KLF12: variants seen among roughly 807,000 people sequenced by gnomAD.
KLF12 encodes the protein Krueppel-like factor 12.
KLF12 carries 9 observed loss-of-function variants against 37.8 expected under a neutral mutation model. That is an observed-to-expected ratio of 0.24 (90% CI 0.14 to 0.42). The LOEUF (loss-of-function observed/expected upper bound fraction) is 0.42. Ranked by LOEUF, KLF12 falls within the 10% of genes least tolerant of loss-of-function variation. KLF12 has a pLI of 1.00. For missense variants in KLF12, 411 were observed against 516.0 expected (o/e 0.80, Z 1.97); for synonymous variants, 208 against 202.1 (o/e 1.03, Z -0.25).
chr13:73,786,675 GA>G (rs1333570651), intron 5 of KLF12, among the ~76,000 whole-genome samples: 1 of 150,278 alleles, frequency 6.7e-6, no homozygotes, highest in Non-Finnish European at 1.5e-5. Context: ...TTGAGCCCAG[GA>G]GTTCAAGACC....
the KLF12 span, among the ~76,000 whole-genome samples, chr13:74,177,982 G>A: frequency 6.6e-6 from 1 of 152,158 alleles, no homozygotes; most frequent in Non-Finnish European, 1.5e-5. Flanking sequence ...AACCGCTCAG[G>A]TCTAGTCTTA....
chr13:74,139,057 A>G, the KLF12 span, among the ~76,000 whole-genome samples: 1 of 151,538 alleles, frequency 6.6e-6, no homozygotes, highest in Non-Finnish European at 1.5e-5. Context: ...TCAGCTGCTG[A>G]CTAGCTGGGC....
At chr13:74,233,923 A>G in the KLF12 span, among the ~76,000 whole-genome samples, 1 of 152,226 alleles carries the variant, frequency 6.6e-6, no homozygotes, top group Non-Finnish European at 1.5e-5. Flanking sequence ...TGCCATTTAC[A>G]TTAGCAACAA....
the KLF12 span, among the ~76,000 whole-genome samples, chr13:74,180,545 A>G: frequency 1.3e-5 from 2 of 152,348 alleles, no homozygotes; most frequent in African/African-American, 4.8e-5. Flanking sequence ...CAATCATGGC[A>G]TATGTAAGAT....
intron 3 of KLF12, among the ~76,000 whole-genome samples, chr13:73,890,729 T>A (rs1023462533): frequency 3.3e-5 from 5 of 151,182 alleles, no homozygotes; most frequent in Admixed American, 2.6e-4. Flanking sequence ...AAAAAAAAAA[T>A]AAAAGATTCC....
intron 2 of KLF12, among the ~76,000 whole-genome samples, chr13:73,954,981 C>T (rs1890786252): frequency 6.6e-6 from 1 of 152,104 alleles, no homozygotes; most frequent in Admixed American, 6.5e-5. Context: ...GAGCATGGGC[C>T]TGATGATCAG....
intron 5 of KLF12, among the ~76,000 whole-genome samples, chr13:73,796,509 G>GTCTCTTTCTCCCTGCCCC (rs1881977576): frequency 1.9e-5 from 1 of 52,048 alleles, no homozygotes; most frequent in Non-Finnish European, 4.1e-5. Flanking sequence ...CCCCTGTGCT[G>GTCTCTTTCTCCCTGCCCC]TGTGTGTGTG....
intron 3 of KLF12, among the ~76,000 whole-genome samples, chr13:73,878,890 A>G (rs557694390): frequency 3.0e-4 from 46 of 152,264 alleles, no homozygotes; most frequent in Non-Finnish European, 4.9e-4. Flanking sequence ...GGAGGAGCTA[A>G]GATCAGAAAT....
At chr13:74,217,594 G>A in the KLF12 span, among the ~76,000 whole-genome samples, 1 of 152,120 alleles carries the variant, frequency 6.6e-6, no homozygotes, top group Non-Finnish European at 1.5e-5. Context: ...GGGCGTGGTG[G>A]TGTGCACCTG....
Position 73,691,648 on chromosome 13 carries a change from TAAC to T in KLF12, c.*3839_*3841del, listed in dbSNP as rs1217718612. 2 of 152,606 alleles carry T rather than the reference TAAC, an allele frequency of 1.3e-5. No homozygotes were observed. The highest frequency in any genetic ancestry group is 2.4e-5 in the African/African-American group (1 of 41,452). 9.5% of individuals were successfully genotyped at this position (152,606 alleles called of 1,614,324 possible). A position where few individuals can be genotyped will look rare whatever the true frequency, so the allele number is the denominator to read the frequency against. On this transcript the variant is annotated 3_prime_UTR_variant, in exon 8 of 8. Transcript: ENST00000377669. The stretch of plus-strand genomic sequence containing the variant: ...ACATTTCTAAGCAGTCATAACAACA[TAAC>T]AAAGGCGTATTAATACATTTTGAAG...
Position 73,737,341 on chromosome 13 carries a change from G to A in KLF12, c.870-21816C>T, listed in dbSNP as rs141869319. The stretch of plus-strand genomic sequence containing the variant: ...TTTATTCTTCAAATTTACTTCACTA[G>A]TTACTAAGAGGCCTTTTCTCAACAT... On this transcript the variant is annotated intron_variant, in intron 6 of 7. Transcript: ENST00000377669. Among the ~76,000 whole-genome samples the A allele has an allele frequency of 8.4e-3, 1,282 of 152,230 alleles. 10 individuals carry two copies. Among genetic ancestry groups the A allele is most frequent in the Middle Eastern group, 0.017 (5 of 294 alleles).
chr13:74,143,020 C>G, the KLF12 span, among the ~76,000 whole-genome samples: 8 of 148,832 alleles, frequency 5.4e-5, no homozygotes, highest in African/African-American at 2.0e-4. Context: ...CCTTCCCTCC[C>G]TCCCTCCTTC....
intron 6 of KLF12, among the ~76,000 whole-genome samples, chr13:73,758,876 T>C (rs1017156552): frequency 6.6e-6 from 1 of 152,122 alleles, no homozygotes; most frequent in African/African-American, 2.4e-5. Flanking sequence ...TTCTGGGTGA[T>C]AGAGAAGTTA....
chr13:73,987,898 G>T (rs892626427), intron 2 of KLF12, among the ~76,000 whole-genome samples: 3 of 151,844 alleles, frequency 2.0e-5, no homozygotes, highest in Non-Finnish European at 4.4e-5. Context: ...GAAAGAGTGA[G>T]AGTGAGACAA....
the KLF12 span, among the ~76,000 whole-genome samples, chr13:74,247,643 TA>T: frequency 2.0e-5 from 3 of 152,152 alleles, no homozygotes; most frequent in Middle Eastern, 3.2e-3. Context: ...TTATTATTAT[TA>T]TTTTTTTGTA....
chr13:74,305,090 G>A, the KLF12 span, among the ~76,000 whole-genome samples: 1 of 152,064 alleles, frequency 6.6e-6, no homozygotes, highest in South Asian at 2.1e-4. Context: ...CTTTTCCCCA[G>A]TAACAATTTT....
At chr13:73,848,461 A>G (rs1594166007) in intron 3 of KLF12, among the ~76,000 whole-genome samples, 1 of 151,644 alleles carries the variant, frequency 6.6e-6, no homozygotes, top group East Asian at 1.9e-4. Context: ...TCTCTTACTG[A>G]GGAAAATATT....
intron 3 of KLF12, among the ~76,000 whole-genome samples, chr13:73,915,659 C>T (rs1036614335): frequency 6.6e-6 from 1 of 151,392 alleles, no homozygotes; most frequent in Admixed American, 6.6e-5. Context: ...ACTACAGGCA[C>T]CTGCCACCAC....
rs148132659 is a variant in KLF12 at position 74,077,918 on chromosome 13, T to C, written c.-32+55821A>G. On this transcript the variant is annotated intron_variant, in intron 1 of 7. Transcript: ENST00000377669. ...GATGTGTTTGTCTTTTAAGAAGTTA[T>C]TAAACTTCTAAATTAAGTCCTCCGC... Among the ~76,000 whole-genome samples, 10 of 152,358 alleles carry C rather than the reference T, an allele frequency of 6.6e-5. No individual in the cohort carries two copies. In the East Asian group the frequency reaches 1.5e-3, roughly 23 times the overall value.
Sources: allele counts gnomAD v4.1 joint callset (sites outside exome capture counted in the v4.1 genomes callset), GRCh38; gene constraint gnomAD v4.1.1; transcripts MANE v1.5; gene names NCBI Gene and HGNC (gene_info 2026-07-23, HGNC 2026-07-21).